The following VASH1 variants were observed in gnomAD, a reference collection of about 807,000 sequenced individuals.
VASH1 encodes the protein vasohibin 1.
Under a neutral mutation model 35.0 loss-of-function variants are expected in VASH1, and 16 were observed. That is an observed-to-expected ratio of 0.46 (90% CI 0.31 to 0.70). VASH1 has a LOEUF of 0.70. Among genes scored for constraint, VASH1 ranks in the 30% least tolerant of loss-of-function variants. VASH1 has a pLI of 0.05. For missense variants in VASH1, 505 were observed against 510.7 expected (o/e 0.99, Z 0.11); for synonymous variants, 214 against 200.9 (o/e 1.07, Z -0.55).
rs1320673494 is a variant in VASH1, at chr14:76,779,276, C to T, written c.*258C>T. ...TGAAGTTTAAGGTATTTGGGGAAAA[C>T]TTAGTCCAAATGGATCTGCTGATGG... On this transcript the variant is annotated 3_prime_UTR_variant, in exon 7 of 7. Coordinates refer to ENST00000167106, the MANE Select transcript of VASH1 (RefSeq NM_014909.5). The T allele has an allele frequency of 2.8e-6, 2 of 701,878 alleles. No individual in the cohort carries two copies. The highest frequency in any genetic ancestry group is 5.2e-6 in the Non-Finnish European group (2 of 385,006). 43.5% of individuals were successfully genotyped at this position (701,878 alleles called of 1,614,324 possible). A position where few individuals can be genotyped will look rare whatever the true frequency, so the allele number is the denominator to read the frequency against.
chr14:76,772,973 G>A (rs527308124), intron 3 of VASH1, among the ~76,000 whole-genome samples, 164 bp from the exon 4 acceptor site: 2 of 152,216 alleles, frequency 1.3e-5, no homozygotes, highest in Admixed American at 6.5e-5. Flanking sequence ...CCAGACTTCC[G>A]TCCGTCGGGA....
Position 76,779,668 on chromosome 14 carries a change from G to A in VASH1, c.*650G>A. 1 of 603,060 alleles carries A rather than the reference G, an allele frequency of 1.7e-6. No homozygotes were observed. Among genetic ancestry groups the A allele is most frequent in the Non-Finnish European group, 3.0e-6 (1 of 338,494 alleles). 37.4% of individuals were successfully genotyped at this position (603,060 alleles called of 1,614,324 possible). Reference sequence around the variant, plus strand: ...AGGCCCCCATGGGCAGTGCTGTGTGGGCAGAGGAGGGGTGATATGAGAGCG... The same window carrying A: ...AGGCCCCCATGGGCAGTGCTGTGTGAGCAGAGGAGGGGTGATATGAGAGCG... On this transcript the variant is annotated 3_prime_UTR_variant, in exon 7 of 7. Transcript: ENST00000167106.
In VASH1 at chr14:76,782,377, C is replaced by A; in HGVS notation, c.*3359C>A. ...ACCACGTGTGATTTCCAGCCCTTCCCACTGGGACTTGACTTCCCAGGTCAA... is the reference window on the plus strand; with the variant it reads ...ACCACGTGTGATTTCCAGCCCTTCCAACTGGGACTTGACTTCCCAGGTCAA... On this transcript the variant is annotated 3_prime_UTR_variant, in exon 7 of 7. Transcript: ENST00000167106. The A allele has an allele frequency of 6.6e-6, 1 of 152,396 alleles. No individual in the cohort carries two copies. 9.4% of individuals were successfully genotyped at this position (152,396 alleles called of 1,614,324 possible). A position where few individuals can be genotyped will look rare whatever the true frequency, so the allele number is the denominator to read the frequency against.
At chr14:76,769,364 A>G (rs922985146) in intron 1 of VASH1, 11 of 1,289,078 alleles carry the variant, frequency 8.5e-6, no homozygotes, top group South Asian at 1.2e-5. Flanking sequence ...ACAGAGCTAC[A>G]GCAAGACCTG....
intron 1 of VASH1, among the ~76,000 whole-genome samples, chr14:76,763,485 T>C (rs1893561009): frequency 6.6e-6 from 1 of 152,238 alleles, no homozygotes; most frequent in African/African-American, 2.4e-5. Flanking sequence ...ATGTAATGAA[T>C]GACTAAGGAG....
chr14:76,763,546 A>T lies in VASH1; in HGVS notation c.309+416A>T, dbSNP rs530259752. Among the ~76,000 whole-genome samples the T allele has an allele frequency of 1.4e-4, 21 of 152,314 alleles. No homozygotes were observed. In the South Asian group the frequency reaches 1.7e-3, roughly 12 times the overall value. On this transcript the variant is annotated intron_variant, in intron 1 of 6. Coordinates refer to ENST00000167106, the MANE Select transcript of VASH1 (RefSeq NM_014909.5). Reference sequence around the variant, plus strand: ...ATATTTTCGTGCATTATGTCATTGAATTCTCCCAACAGCCTTGTGACGTAA... The same window carrying T: ...ATATTTTCGTGCATTATGTCATTGATTTCTCCCAACAGCCTTGTGACGTAA...
intron 1 of VASH1, among the ~76,000 whole-genome samples, chr14:76,766,746 CAT>C (rs1893652557): frequency 6.6e-6 from 1 of 152,186 alleles, no homozygotes; most frequent in Admixed American, 6.5e-5. Flanking sequence ...CCAGCCTGGA[CAT>C]CTCCTCTAAA....
chr14:76,771,140 G>A, intron 2 of VASH1, 50 bp from the exon 3 acceptor site: 1 of 1,488,362 alleles, frequency 6.7e-7, no homozygotes, highest in Non-Finnish European at 9.0e-7. Context: ...AGGAAGAGAG[G>A]GTCAACCTCC....
intron 6 of VASH1, among the ~76,000 whole-genome samples, chr14:76,778,283 T>C (rs912501031): frequency 6.6e-6 from 1 of 152,138 alleles, no homozygotes; most frequent in African/African-American, 2.4e-5. Context: ...AACCAAACTC[T>C]GCTAGCCCAC....
intron 1 of VASH1, 93 bp from the exon 2 acceptor site, chr14:76,769,869 TG>T: frequency 1.7e-6 from 2 of 1,197,738 alleles, no homozygotes. Flanking sequence ...CTCCCCAGGG[TG>T]GGGCGCCTCT....
chr14:76,770,185 T>G, intron 2 of VASH1, 134 bp downstream of exon 2: 3 of 813,430 alleles, frequency 3.7e-6, no homozygotes, highest in Non-Finnish European at 5.8e-6. Flanking sequence ...GTGACATCTC[T>G]GTGCTCCCTG....
chr14:76,778,777 G>A (rs1351649231), intron 6 of VASH1, among the ~76,000 whole-genome samples, 169 bp from the exon 7 acceptor site: 1 of 152,210 alleles, frequency 6.6e-6, no homozygotes, highest in Non-Finnish European at 1.5e-5. Flanking sequence ...GACAGCACAG[G>A]CGGGCCAGGG....
chr14:76,776,402 C>T (rs927637865), intron 5 of VASH1, 129 bp downstream of exon 5: 3 of 1,279,200 alleles, frequency 2.3e-6, no homozygotes, highest in Admixed American at 5.6e-5. Context: ...GCTTAGTGGT[C>T]GATATTGTTC....
rs773750240 is a variant in VASH1 at position 76,776,211 on chromosome 14, C to G, written c.850C>G (p.Arg284Gly). The part of the protein sequence containing the change: ...EWKHSVLDVE[R>G]LGRDDFRKEL... ...GAAGCACTCGGTGCTGGACGTGGAG[C>G]GCCTGGGCCGCGATGACTTCCGCAA... Residue 284 changes from arginine (R) to glycine (G), a missense_variant, in exon 5 of 7, where the codon CGC becomes GGC. Transcript: ENST00000167106. 4 of 1,609,342 alleles carry G rather than the reference C, an allele frequency of 2.5e-6. No individual in the cohort carries two copies. The East Asian group carries it at 8.9e-5, about 36-fold the overall frequency.
In VASH1 at chr14:76,763,073, C is replaced by A. The variant is rs1174335189; in HGVS notation, c.252C>A (p.Ile84=). The change falls in exon 1 of 7, where the codon ATC becomes ATA. Residue 84 remains isoleucine (I), a synonymous_variant. Transcript: ENST00000167106. ...WERMWKHVAK[I]HPDGEKVAQR... Reference sequence around the variant, plus strand: ...GGATGTGGAAACACGTGGCCAAGATCCACCCCGATGGAGAGAAGGTGGCGC... The same window carrying A: ...GGATGTGGAAACACGTGGCCAAGATACACCCCGATGGAGAGAAGGTGGCGC... 6.5e-7 allele frequency: 1 copy of A among 1,529,172 alleles called. No individual in the cohort carries two copies. 94.7% of individuals were successfully genotyped at this position (1,529,172 alleles called of 1,614,324 possible).
At chr14:76,772,250 A>T (rs1000872658) in intron 3 of VASH1, among the ~76,000 whole-genome samples, 1 of 152,108 alleles carries the variant, frequency 6.6e-6, no homozygotes, top group East Asian at 1.9e-4. Context: ...AAAAGAAAAG[A>T]AAAAGAAAAA....
rs911759733 is a variant in VASH1, at chr14:76,761,705, C to T, written c.-1117C>T. Among the ~76,000 whole-genome samples, 1 of 151,882 alleles carries T rather than the reference C, an allele frequency of 6.6e-6. No homozygotes were observed. The highest frequency in any genetic ancestry group is 6.6e-5 in the Admixed American group (1 of 15,250). The stretch of plus-strand genomic sequence containing the variant: ...CAGCTACATCCGCCGGCCGAGGCTG[C>T]GCGAGCCTCCGGGCTTGCGGTCCCC... On this transcript the variant is annotated 5_prime_UTR_variant, in exon 1 of 7. Coordinates refer to ENST00000167106, the MANE Select transcript of VASH1 (RefSeq NM_014909.5).
chr14:76,776,332 G>A, intron 5 of VASH1, 59 bp downstream of exon 5: 3 of 1,472,954 alleles, frequency 2.0e-6, no homozygotes, highest in Non-Finnish European at 2.7e-6. Flanking sequence ...CCCCAGCAGA[G>A]GCGATGTGAG....
rs1013460296 is a variant in VASH1, at chr14:76,762,312, C to G, written c.-510C>G. 1 of 152,344 alleles carries G rather than the reference C, an allele frequency of 6.6e-6. No individual in the cohort carries two copies. Among genetic ancestry groups the G allele is most frequent in the Non-Finnish European group, 1.5e-5 (1 of 68,120 alleles). 9.4% of individuals were successfully genotyped at this position (152,344 alleles called of 1,614,324 possible). A position where few individuals can be genotyped will look rare whatever the true frequency, so the allele number is the denominator to read the frequency against. On this transcript the variant is annotated 5_prime_UTR_variant, in exon 1 of 7. Coordinates refer to ENST00000167106, the MANE Select transcript of VASH1 (RefSeq NM_014909.5). ...GAGCTCGCGCGGCCGGGAGTCGCCT[C>G]GGTCTTCCTTGGGGCGCGCGCAGAT... is the stretch of plus-strand genomic sequence containing the variant.
Sources: gnomAD v4.1 joint callset for allele counts (sites outside exome capture counted in the v4.1 genomes callset) on GRCh38, gnomAD v4.1.1 for gene constraint, MANE v1.5 for transcripts, NCBI Gene and HGNC (gene_info 2026-07-23, HGNC 2026-07-21) for gene names.